PLEKHG6: variants seen among roughly 807,000 people sequenced by gnomAD.
PLEKHG6 encodes pleckstrin homology and RhoGEF domain containing G6, also known as pleckstrin homology domain-containing family G member 6.
In PLEKHG6, 91 loss-of-function variants were observed where a neutral mutation model predicts 97.5. The ratio of observed to expected loss-of-function variants is 0.93; its 90% CI spans 0.79 to 1.11. The LOEUF is 1.11. PLEKHG6 is among the 50% of genes most tolerant of loss of function. PLEKHG6 has a pLI of 0.00. For synonymous variants in PLEKHG6, 466 were observed against 425.5 expected (o/e 1.10, Z -1.17); for missense variants, 1,044 against 1,031.0 (o/e 1.01, Z -0.17).
chr12:6,316,089 C>A lies in PLEKHG6; in HGVS notation c.607-166C>A, dbSNP rs1184554276. On this transcript the variant is annotated intron_variant, in intron 6 of 15. Transcript: ENST00000684764. The surrounding 1 kb of genome is among the most constrained non-coding windows in gnomAD (Gnocchi z 4.1). ...GACTCCAAGCAGGCCACAGGCCCCC[C>A]ATTTCTCAGACTGACATCCTTGAGA... is the stretch of plus-strand genomic sequence containing the variant. Among the ~76,000 whole-genome samples, 3 of 152,198 alleles carry A rather than the reference C, an allele frequency of 2.0e-5. No homozygotes were observed. Among genetic ancestry groups the A allele is most frequent in the Non-Finnish European group, 1.5e-5 (1 of 68,030 alleles).
Position 6,327,887 on chromosome 12 carries a change from C to G in PLEKHG6, c.2304C>G (p.Ala768=). Residue 768 remains alanine, a synonymous_variant, in exon 15 of 16, where the codon GCC becomes GCG. Transcript: ENST00000684764. ...RDSRPRKLTR[A]QLQRMRGPHI... is the part of the protein sequence containing the mutation. ...GCAGGCCACGGAAGCTGACTCGGGC[C>G]CAGCTGCAGAGGATGCGGGGGCCCC... 6.7e-7 allele frequency: 1 copy of G among 1,492,276 alleles called. No individual in the cohort carries two copies. Among genetic ancestry groups the G allele is most frequent in the Non-Finnish European group, 8.9e-7 (1 of 1,121,802 alleles). The allele number at this position is 1,492,276 out of a possible 1,614,324, so 92.4% of individuals were successfully genotyped here.
chr12:6,312,405 G>A lies in PLEKHG6; in HGVS notation c.138+41G>A, dbSNP rs200075801. 2.6e-3 allele frequency: 4,105 copies of A among 1,550,788 alleles called. 5 individuals carry two copies. Among genetic ancestry groups the A allele is most frequent in the Non-Finnish European group, 3.1e-3 (3,636 of 1,155,030 alleles). On this transcript the variant is annotated intron_variant, in intron 2 of 15. Coordinates refer to ENST00000684764, the MANE Select transcript of PLEKHG6 (RefSeq NM_001384598.1). The stretch of plus-strand genomic sequence containing the variant: ...GCCCCAAAAGTGACCTGGTGGGGCA[G>A]GAGGGAAGACACCTAGGCTGTGGAG...
chr12:6,327,959 G>A lies in PLEKHG6; in HGVS notation c.2363+13G>A, dbSNP rs1220079861. 1.3e-6 allele frequency: 2 copies of A among 1,507,632 alleles called. No homozygotes were observed. Among genetic ancestry groups the A allele is most frequent in the African/African-American group, 1.4e-5 (1 of 71,998 alleles). 93.4% of individuals were successfully genotyped at this position (1,507,632 alleles called of 1,614,324 possible). Reference sequence around the variant, plus strand: ...CTCTGTCCGCATCGTAAGTGCTGGAGGGAAGCTGGCCTGGGAGGGGGCAGA... The same window carrying A: ...CTCTGTCCGCATCGTAAGTGCTGGAAGGAAGCTGGCCTGGGAGGGGGCAGA... On this transcript the variant is annotated intron_variant, in intron 15 of 15. Transcript: ENST00000684764.
intron 2 of PLEKHG6, chr12:6,312,779 C>G (rs1947319960): frequency 3.4e-6 from 4 of 1,191,706 alleles, no homozygotes; most frequent in South Asian, 4.8e-5. Context: ...CCCTACTCCT[C>G]CAGTGGTGGG....
chr12:6,315,556 G>A lies in PLEKHG6; in HGVS notation c.462G>A (p.Glu154=). The A allele has an allele frequency of 6.4e-7, 1 of 1,551,256 alleles. No homozygotes were observed. The highest frequency in any genetic ancestry group is 1.4e-5 in the African/African-American group (1 of 73,114). The change falls in exon 5 of 16, where the codon GAG becomes GAA. Residue 154 remains glutamate, a splice_region_variant and synonymous_variant. Transcript: ENST00000684764. This position sits in a 1 kb window ranked among gnomAD's most constrained non-coding sequence, Gnocchi z 4.5. The stretch of plus-strand genomic sequence containing the variant: ...AACCAGCATTCTCCCCACCCCAGGA[G>A]ATGAGCCAGGAGCTCTGCCACCAAC... The part of the protein sequence containing the change: ...SWRELVPGHK[E]MSQELCHQQE...
chr12:6,319,302 G>T (rs1482339208), intron 13 of PLEKHG6, 194 bp downstream of exon 13: 3 of 610,234 alleles, frequency 4.9e-6, no homozygotes, highest in South Asian at 4.1e-5. Context: ...ACAAAAATTA[G>T]CCGGGCGTGG....
rs1416576852 is a variant in PLEKHG6, at chr12:6,317,937, A to G, written c.1098A>G (p.Ala366=). 3 of 1,576,288 alleles carry G rather than the reference A, an allele frequency of 1.9e-6. No homozygotes were observed. Among genetic ancestry groups the G allele is most frequent in the Non-Finnish European group, 2.6e-6 (3 of 1,160,874 alleles). The change falls in exon 10 of 16, where the codon GCA becomes GCG. Residue 366 remains alanine, a synonymous_variant. Coordinates refer to ENST00000684764, the MANE Select transcript of PLEKHG6 (RefSeq NM_001384598.1). The stretch of plus-strand genomic sequence containing the variant: ...AAGAGCAAGAGAGCTTGGCGGCTGC[A>G]GCACAACGCATCGGGCCCTACGAGG... ...QGEEQESLAA[A]AQRIGPYEVL...
chr12:6,313,277 C>A, intron 2 of PLEKHG6: 2 of 1,192,772 alleles, frequency 1.7e-6, no homozygotes, highest in South Asian at 2.6e-5. Context: ...CACGCCTTGT[C>A]CATGCACCCC....
rs1947944838 is a variant in PLEKHG6, at chr12:6,328,191, C to T, written c.*46C>T. ...CATGCATCTCTCCCAGAGGAGATCT[C>T]TCCCCAGTAGTGCTGGTCACCCTCC... On this transcript the variant is annotated 3_prime_UTR_variant, in exon 16 of 16. Transcript: ENST00000684764. 1 of 1,594,380 alleles carries T rather than the reference C, an allele frequency of 6.3e-7. No individual in the cohort carries two copies. Among genetic ancestry groups the T allele is most frequent in the Non-Finnish European group, 8.6e-7 (1 of 1,162,344 alleles).
chr12:6,319,303 C>T (rs1053444397), intron 13 of PLEKHG6, 195 bp downstream of exon 13: 8 of 610,444 alleles, frequency 1.3e-5, no homozygotes, highest in Non-Finnish European at 2.0e-5. Context: ...CAAAAATTAG[C>T]CGGGCGTGGT....
chr12:6,310,513 C>A (rs1947219674), upstream of PLEKHG6: 1 of 152,320 alleles, frequency 6.6e-6, no homozygotes, highest in Non-Finnish European at 1.5e-5. Context: ...GTGTCGAGTT[C>A]AGGTGCGACC....
Position 6,328,185 on chromosome 12 carries a change from A to C in PLEKHG6, c.*40A>C. 6.2e-7 allele frequency: 1 copy of C among 1,601,734 alleles called. No homozygotes were observed. Among genetic ancestry groups the C allele is most frequent in the Non-Finnish European group, 8.6e-7 (1 of 1,169,054 alleles). ...CTTTGGCATGCATCTCTCCCAGAGG[A>C]GATCTCTCCCCAGTAGTGCTGGTCA... On this transcript the variant is annotated 3_prime_UTR_variant, in exon 16 of 16. Transcript: ENST00000684764.
At chr12:6,325,983 CT>C (rs1483190943) in intron 13 of PLEKHG6, among the ~76,000 whole-genome samples, 2 of 152,102 alleles carry the variant, frequency 1.3e-5, no homozygotes, top group African/African-American at 4.8e-5. Context: ...GTAAAAATAT[CT>C]GGTTCATGGG....
intron 15 of PLEKHG6, 43 bp from the exon 16 acceptor site, chr12:6,328,093 G>T (rs772817919): frequency 6.2e-7 from 1 of 1,613,390 alleles, no homozygotes; most frequent in South Asian, 1.1e-5. Flanking sequence ...ACCCTCACCC[G>T]TTGCCACTGA....
chr12:6,317,727 T>C, intron 9 of PLEKHG6, 31 bp downstream of exon 9: 16 of 1,609,942 alleles, frequency 9.9e-6, no homozygotes, highest in Non-Finnish European at 1.4e-5. Flanking sequence ...GGGACTCTGG[T>C]GAATCGGGGA....
chr12:6,318,539 C>T, intron 11 of PLEKHG6, 119 bp downstream of exon 11: 1 of 1,341,272 alleles, frequency 7.5e-7, no homozygotes, highest in Non-Finnish European at 1.0e-6. Context: ...TGGCTAAGCC[C>T]CAGTCATTTG....
chr12:6,313,115 TCA>T (rs1385552070), intron 2 of PLEKHG6: 1 of 1,541,308 alleles, frequency 6.5e-7, no homozygotes, highest in Admixed American at 2.0e-5. Flanking sequence ...CTTCAGCCTT[TCA>T]CACAGAAGGG....
rs780233408 is a variant in PLEKHG6 at position 6,327,968 on chromosome 12, G to A, written c.2363+22G>A. ...CATCGTAAGTGCTGGAGGGAAGCTGGCCTGGGAGGGGGCAGACGGGGATGT... is the reference window on the plus strand; with the variant it reads ...CATCGTAAGTGCTGGAGGGAAGCTGACCTGGGAGGGGGCAGACGGGGATGT... On this transcript the variant is annotated intron_variant, in intron 15 of 15. Transcript: ENST00000684764. 4 of 1,512,550 alleles carry A rather than the reference G, an allele frequency of 2.6e-6. No homozygotes were observed. The African/African-American group carries it at 4.2e-5, about 16-fold the overall frequency. The allele number at this position is 1,512,550 out of a possible 1,614,324, so 93.7% of individuals were successfully genotyped here. A position where few individuals can be genotyped will look rare whatever the true frequency, so the allele number is the denominator to read the frequency against.
At position 6,312,264 on chromosome 12, in the gene PLEKHG6, A is replaced by G; in HGVS notation, c.38A>G (p.Gln13Arg). 1 of 1,543,314 alleles carries G rather than the reference A, an allele frequency of 6.5e-7. No individual in the cohort carries two copies. The highest frequency in any genetic ancestry group is 8.7e-7 in the Non-Finnish European group (1 of 1,151,934). Residue 13 changes from glutamine (Q) to arginine (R), a missense_variant, in exon 2 of 16, where the codon CAA (glutamine) becomes CGA (arginine). Coordinates refer to ENST00000684764, the MANE Select transcript of PLEKHG6 (RefSeq NM_001384598.1). Reference sequence around the variant, plus strand: ...GGTCCTCCACATGAGGGCCCCCTCCAAGGACTCGTGGCCTCCCGCATTGAG... The same window carrying G: ...GGTCCTCCACATGAGGGCCCCCTCCGAGGACTCGTGGCCTCCCGCATTGAG... Reference protein sequence around the residue: ...AFGPPHEGPLQGLVASRIETY... With the variant: ...AFGPPHEGPLRGLVASRIETY...
Sources: allele counts gnomAD v4.1 joint callset (sites outside exome capture counted in the v4.1 genomes callset), GRCh38; gene constraint gnomAD v4.1.1; non-coding constraint Gnocchi (gnomAD v3.1); transcripts MANE v1.5; gene names NCBI Gene and HGNC (gene_info 2026-07-23, HGNC 2026-07-21).